Variants in PIK3R6 observed in about 807,000 individuals in gnomAD.
PIK3R6 encodes the protein phosphoinositide 3-kinase regulatory subunit 6.
In PIK3R6, 91 loss-of-function variants were observed where a neutral mutation model predicts 84.9. The ratio of observed to expected loss-of-function variants is 1.07; its 90% CI spans 0.90 to 1.28. PIK3R6 has a LOEUF of 1.28. PIK3R6 is among the 50% of genes most tolerant of loss of function. The pLI is 0.00. For synonymous variants in PIK3R6, 416 were observed against 411.4 expected (o/e 1.01, Z -0.13); for missense variants, 996 against 985.1 (o/e 1.01, Z -0.15).
At chr17:8,861,039 A>T (rs1038907077) in intron 1 of PIK3R6, among the ~76,000 whole-genome samples, 3 of 152,126 alleles carry the variant, frequency 2.0e-5, no homozygotes, top group Admixed American at 6.5e-5. Flanking sequence ...TACTAAAAAT[A>T]CAAAAATTAC....
chr17:8,828,341 T>C (rs748223491), intron 11 of PIK3R6, among the ~76,000 whole-genome samples, 151 bp from the exon 12 acceptor site: 9 of 152,182 alleles, frequency 5.9e-5, no homozygotes, highest in Non-Finnish European at 1.3e-4. Context: ...TACAGTAATG[T>C]CTCCCTCGCA....
intron 18 of PIK3R6, among the ~76,000 whole-genome samples, chr17:8,806,843 T>C (rs1318846941): frequency 6.6e-6 from 1 of 152,214 alleles, no homozygotes; most frequent in African/African-American, 2.4e-5. Context: ...GTCTCTGCCT[T>C]CTTACTCCAG....
chr17:8,826,064 CTG>C (rs1248837984), intron 13 of PIK3R6, among the ~76,000 whole-genome samples: 1 of 152,186 alleles, frequency 6.6e-6, no homozygotes, highest in African/African-American at 2.4e-5. Context: ...CTGTTTCCAA[CTG>C]GCATTCCACC....
At chr17:8,835,889 C>G (rs900079192) in intron 7 of PIK3R6, among the ~76,000 whole-genome samples, 7 of 152,184 alleles carry the variant, frequency 4.6e-5, no homozygotes, top group Non-Finnish European at 8.8e-5. Flanking sequence ...ACCTCCCCTA[C>G]TCCCTCCTCC....
chr17:8,817,311 T>C (rs1394261078), intron 18 of PIK3R6, among the ~76,000 whole-genome samples: 1 of 152,200 alleles, frequency 6.6e-6, no homozygotes, highest in Non-Finnish European at 1.5e-5. Flanking sequence ...TTTTTTTATA[T>C]TTTCCAAAAT....
chr17:8,829,307 GAC>G (rs372597009), intron 10 of PIK3R6, among the ~76,000 whole-genome samples: 3 of 129,958 alleles, frequency 2.3e-5, no homozygotes, highest in Admixed American at 7.9e-5. Context: ...CACACACACT[GAC>G]ACACGCATGC....
rs1236249107 is a variant in PIK3R6 at position 8,844,659 on chromosome 17, A to G, written c.14-4962T>C. 6.6e-6 allele frequency among the ~76,000 whole-genome samples: 1 copy of G among 152,104 alleles called. No homozygotes were observed. The highest frequency in any genetic ancestry group is 2.4e-5 in the African/African-American group (1 of 41,418). ...AACTTTTATTTTAGGTTCAGGAGGT[A>G]CATGTGCAGGTTTGTTACCCGGATA... On this transcript the variant is annotated intron_variant, in intron 2 of 19. Coordinates refer to ENST00000619866, the MANE Select transcript of PIK3R6 (RefSeq NM_001010855.4). This position sits in a 1 kb window ranked among gnomAD's most constrained non-coding sequence, Gnocchi z 4.5.
chr17:8,865,424 G>A (rs763805127), intron 1 of PIK3R6, among the ~76,000 whole-genome samples: 28 of 152,230 alleles, frequency 1.8e-4, no homozygotes, highest in Admixed American at 9.2e-4. Context: ...CAGAAAAGAC[G>A]GGGAGCTTCC....
intron 18 of PIK3R6, among the ~76,000 whole-genome samples, chr17:8,808,011 G>A (rs1204344493): frequency 1.3e-5 from 2 of 152,104 alleles, no homozygotes; most frequent in African/African-American, 2.4e-5. Context: ...GGGACAGTTG[G>A]CCAACCAAGC....
chr17:8,819,010 C>T, intron 18 of PIK3R6, 73 bp downstream of exon 18: 4 of 1,160,268 alleles, frequency 3.4e-6, no homozygotes, highest in Non-Finnish European at 4.9e-6. Context: ...TGAATGCCCT[C>T]CCCTCTGGGC....
intron 1 of PIK3R6, among the ~76,000 whole-genome samples, chr17:8,855,798 G>A (rs981499916): frequency 5.3e-5 from 8 of 152,190 alleles, no homozygotes; most frequent in Middle Eastern, 3.2e-3. Flanking sequence ...AAAGTTATGC[G>A]TCACTTACTG....
At chr17:8,826,507 C>G (rs563961349) in intron 13 of PIK3R6, among the ~76,000 whole-genome samples, 1 of 152,242 alleles carries the variant, frequency 6.6e-6, no homozygotes, top group African/African-American at 2.4e-5. Context: ...AACCATCATT[C>G]TCAGCAAACT....
At chr17:8,829,327 C>T (rs965864847) in intron 10 of PIK3R6, among the ~76,000 whole-genome samples, 1 of 149,332 alleles carries the variant, frequency 6.7e-6, no homozygotes, top group Non-Finnish European at 1.5e-5. Context: ...TGCACGCATA[C>T]ACCCATGCAA....
intron 5 of PIK3R6, 52 bp downstream of exon 5, chr17:8,837,751 C>T (rs953867871): frequency 1.4e-5 from 21 of 1,500,800 alleles, no homozygotes; most frequent in Non-Finnish European, 1.8e-5. Context: ...GAGTGTCCAG[C>T]CCAGCCACAT....
At chr17:8,853,496 AAAATAAT>A (rs1407165247) in intron 1 of PIK3R6, among the ~76,000 whole-genome samples, 1 of 147,512 alleles carries the variant, frequency 6.8e-6, no homozygotes, top group Non-Finnish European at 1.5e-5. Flanking sequence ...AAAAAAAAAA[AAAATAAT>A]AATAATAATA....
rs1336499610 is a variant in PIK3R6 at position 8,833,174 on chromosome 17, A to G, written c.646-129T>C. 8.4e-6 allele frequency: 11 copies of G among 1,311,168 alleles called. No homozygotes were observed. In the East Asian group the frequency reaches 1.5e-4, roughly 18 times the overall value. The allele number at this position is 1,311,168 out of a possible 1,614,324, so 81.2% of individuals were successfully genotyped here. A position where few individuals can be genotyped will look rare whatever the true frequency, so the allele number is the denominator to read the frequency against. On this transcript the variant is annotated intron_variant, in intron 8 of 19. Transcript: ENST00000619866. ...CCGCTGCCCCTGGGGGCCCGGCAGG[A>G]GCTTCCCCCGAAGGCTTCTGGATCC...
rs575688018 is a variant in PIK3R6, at chr17:8,849,836, G to C, written c.-42C>G. On this transcript the variant is annotated 5_prime_UTR_variant, in exon 2 of 20. Transcript: ENST00000619866. ...AGGAGGAGGAGGATGTGGTTGTCTCGGGCAGCAGAATAGAGAACAAGGTGG... is the reference window on the plus strand; with the variant it reads ...AGGAGGAGGAGGATGTGGTTGTCTCCGGCAGCAGAATAGAGAACAAGGTGG... The C allele has an allele frequency of 6.2e-7, 1 of 1,607,280 alleles. No homozygotes were observed.
intron 1 of PIK3R6, among the ~76,000 whole-genome samples, chr17:8,860,422 C>T (rs961792854): frequency 3.9e-5 from 6 of 152,152 alleles, no homozygotes; most frequent in East Asian, 1.9e-4. Context: ...AGTTTCATCC[C>T]GAATCCATCC....
At chr17:8,863,794 A>G (rs2089338414) in intron 1 of PIK3R6, among the ~76,000 whole-genome samples, 1 of 152,104 alleles carries the variant, frequency 6.6e-6, no homozygotes, top group African/African-American at 2.4e-5. Flanking sequence ...CGGCCTCCCA[A>G]AGTGCTGGGG....
Sources: allele counts gnomAD v4.1 joint callset (sites outside exome capture counted in the v4.1 genomes callset), GRCh38; gene constraint gnomAD v4.1.1; non-coding constraint Gnocchi (gnomAD v3.1); transcripts MANE v1.5; gene names NCBI Gene and HGNC (gene_info 2026-07-23, HGNC 2026-07-21).